INPP4A: variants seen among roughly 807,000 people sequenced by gnomAD.
INPP4A encodes the protein inositol polyphosphate-4-phosphatase, type I, 107kD.
Under a neutral mutation model 119.8 loss-of-function variants are expected in INPP4A, and 33 were observed. The observed-to-expected ratio is 0.28, with a 90% CI of 0.21 to 0.37. The LOEUF (loss-of-function observed/expected upper bound fraction) is 0.37. Among genes scored for constraint, INPP4A ranks in the 10% least tolerant of loss-of-function variants. The probability of loss-of-function intolerance (pLI) is 1.00; values close to 1 mark genes in which losing one functional copy is unlikely to be tolerated. For synonymous variants in INPP4A, 496 were observed against 500.7 expected (o/e 0.99, Z 0.12); for missense variants, 956 against 1,289.9 (o/e 0.74, Z 3.97).
At chr2:98,503,876 A>G (rs1259775969) in intron 1 of INPP4A, among the ~76,000 whole-genome samples, 2 of 152,126 alleles carry the variant, frequency 1.3e-5, no homozygotes, top group African/African-American at 4.8e-5. Context: ...GTGCCACATG[A>G]GAAGAAGGCA....
chr2:98,539,818 C>T (rs1691053338), intron 10 of INPP4A, 143 bp downstream of exon 10: 6 of 776,406 alleles, frequency 7.7e-6, no homozygotes, highest in Non-Finnish European at 1.1e-5. Flanking sequence ...GTGGCCTTGG[C>T]TTGCCTAAGC....
rs187996311 is a variant in INPP4A at position 98,567,733 on chromosome 2, G to T, written c.2421-838G>T. Among the ~76,000 whole-genome samples the T allele has an allele frequency of 6.6e-5, 10 of 152,286 alleles. No individual in the cohort carries two copies. In the East Asian group the frequency reaches 1.9e-3, roughly 29 times the overall value. The stretch of plus-strand genomic sequence containing the variant: ...ACTGGTGAGCTGGGCTTGTTTATAA[G>T]CTGAGGGAAGAGCCCTCAGAGGGGA... On this transcript the variant is annotated intron_variant, in intron 21 of 24. Coordinates refer to ENST00000409851, the MANE Select transcript of INPP4A (RefSeq NM_001134225.2).
At chr2:98,460,816 T>C (rs558924924) in intron 1 of INPP4A, among the ~76,000 whole-genome samples, 16 of 152,312 alleles carry the variant, frequency 1.1e-4, no homozygotes, top group East Asian at 3.9e-4. Flanking sequence ...GAAGCTGTTA[T>C]CTGTGAAATG....
intron 24 of INPP4A, among the ~76,000 whole-genome samples, chr2:98,586,599 G>A (rs527323517): frequency 1.3e-5 from 2 of 152,278 alleles, no homozygotes; most frequent in Non-Finnish European, 2.9e-5. Context: ...AGAACTCCCC[G>A]GACGCGCTCA....
chr2:98,533,823 G>A (rs1422714095), intron 5 of INPP4A, among the ~76,000 whole-genome samples: 1 of 152,150 alleles, frequency 6.6e-6, no homozygotes, highest in African/African-American at 2.4e-5. Flanking sequence ...CAAGAGTGGT[G>A]CTCATTAATC....
At chr2:98,524,534 G>C (rs1310679345) in intron 4 of INPP4A, among the ~76,000 whole-genome samples, 2 of 152,114 alleles carry the variant, frequency 1.3e-5, no homozygotes, top group African/African-American at 4.8e-5. Flanking sequence ...AACCCTTAAA[G>C]TAATCTCAGT....
chr2:98,580,471 A>C (rs1187077149), intron 24 of INPP4A, among the ~76,000 whole-genome samples: 1 of 152,198 alleles, frequency 6.6e-6, no homozygotes, highest in Non-Finnish European at 1.5e-5. Context: ...AGAGATTCAC[A>C]CATTTGGCCA....
chr2:98,466,840 A>ATAAC (rs1280489540), intron 1 of INPP4A, among the ~76,000 whole-genome samples: 4 of 152,232 alleles, frequency 2.6e-5, no homozygotes, highest in African/African-American at 7.2e-5. Context: ...CAGTCCCTGA[A>ATAAC]TAACTACACC....
intron 1 of INPP4A, among the ~76,000 whole-genome samples, chr2:98,469,986 A>G (rs867522458): frequency 1.3e-5 from 2 of 152,318 alleles, no homozygotes; most frequent in Middle Eastern, 3.4e-3. Flanking sequence ...GCTGTGCACC[A>G]AGGAGGGTTC....
chr2:98,565,729 G>A lies in INPP4A; in HGVS notation c.2242G>A (p.Ala748Thr), dbSNP rs763716402. The change falls in exon 20 of 25, where the codon GCC (alanine) becomes ACC (threonine). Residue 748 changes from alanine (A) to threonine (T), a missense_variant. Physicochemically the swap from Ala to Thr is moderately conservative, Grantham distance 58. This residue lies in a region of INPP4A where 304 missense variants were observed against 492.1 expected (regional missense o/e 0.62). Transcript: ENST00000409851. Reference protein sequence around the residue: ...TFKVTQATSSASADMLPVITG... With the variant: ...TFKVTQATSSTSADMLPVITG... ...CAAAGTCACTCAGGCCACTTCCAGC[G>A]CCTCCGCAGACATGCTGCCCGTCAT... The A allele has an allele frequency of 5.6e-6, 9 of 1,613,148 alleles. No individual in the cohort carries two copies. Among genetic ancestry groups the A allele is most frequent in the African/African-American group, 5.3e-5 (4 of 74,880 alleles).
intron 4 of INPP4A, among the ~76,000 whole-genome samples, chr2:98,529,454 G>A (rs1427201846): frequency 1.3e-5 from 2 of 152,042 alleles, no homozygotes; most frequent in African/African-American, 4.8e-5. Flanking sequence ...CCACAGAATT[G>A]GGCTGGGCGC....
At chr2:98,486,940 G>T (rs1251479861) in intron 1 of INPP4A, among the ~76,000 whole-genome samples, 1 of 152,240 alleles carries the variant, frequency 6.6e-6, no homozygotes, top group Non-Finnish European at 1.5e-5. Context: ...GCTAAGTACT[G>T]TGGAGATATA....
Position 98,593,848 on chromosome 2 carries a change from C to T in INPP4A, c.*6240C>T, listed in dbSNP as rs1700500503. On this transcript the variant is annotated 3_prime_UTR_variant, in exon 25 of 25. Coordinates refer to ENST00000409851, the MANE Select transcript of INPP4A (RefSeq NM_001134225.2). ...TGGACCTCTCCTGAGCATCCTCACCCCTCCTGCAAGGCTAGTCTCAGGTCT... is the reference window on the plus strand; with the variant it reads ...TGGACCTCTCCTGAGCATCCTCACCTCTCCTGCAAGGCTAGTCTCAGGTCT... The T allele has an allele frequency of 6.6e-6, 1 of 152,254 alleles. No individual in the cohort carries two copies. Among genetic ancestry groups the T allele is most frequent in the South Asian group, 2.1e-4 (1 of 4,834 alleles). The allele number at this position is 152,254 out of a possible 1,614,324, so 9.4% of individuals were successfully genotyped here.
Position 98,554,249 on chromosome 2 carries a change from C to T in INPP4A, c.1348-22C>T. 1.3e-6 allele frequency: 2 copies of T among 1,575,780 alleles called. No homozygotes were observed. The highest frequency in any genetic ancestry group is 1.3e-5 in the African/African-American group (1 of 74,128). On this transcript the variant is annotated intron_variant, in intron 14 of 24. Coordinates refer to ENST00000409851, the MANE Select transcript of INPP4A (RefSeq NM_001134225.2). The surrounding 1 kb of genome is among the most constrained non-coding windows in gnomAD (Gnocchi z 4.7). ...CAGCCCCTGGCCTGGGCTCAGCAGC[C>T]TTGGTTTGTGTGCACCTGCAGACAC...
intron 6 of INPP4A, 22 bp downstream of exon 6, chr2:98,535,867 C>G (rs765199385): frequency 4.9e-6 from 6 of 1,220,472 alleles, no homozygotes; most frequent in Non-Finnish European, 7.1e-6. Flanking sequence ...TGTTGTAGTT[C>G]GTGGGATTTT....
chr2:98,574,914 A>G (rs1422069639), intron 23 of INPP4A, among the ~76,000 whole-genome samples: 1 of 151,914 alleles, frequency 6.6e-6, no homozygotes, highest in African/African-American at 2.4e-5. Context: ...TGTTCCCAGT[A>G]GAGATCTCAG....
chr2:98,467,793 T>C (rs1181091667), intron 1 of INPP4A, among the ~76,000 whole-genome samples: 1 of 152,242 alleles, frequency 6.6e-6, no homozygotes, highest in African/African-American at 2.4e-5. Flanking sequence ...AGTTGAATAG[T>C]TATCTATTAG....
chr2:98,499,885 A>G (rs1682773981), intron 1 of INPP4A, among the ~76,000 whole-genome samples: 1 of 152,174 alleles, frequency 6.6e-6, no homozygotes, highest in Non-Finnish European at 1.5e-5. Context: ...GGAGGGTGCA[A>G]GTGTCAGGCT....
intron 23 of INPP4A, among the ~76,000 whole-genome samples, chr2:98,574,573 G>A (rs1448983505): frequency 6.6e-6 from 1 of 151,802 alleles, no homozygotes; most frequent in Non-Finnish European, 1.5e-5. Flanking sequence ...GGGAGGCGGA[G>A]GTTGCAGTAA....
Sources: allele counts gnomAD v4.1 joint callset (sites outside exome capture counted in the v4.1 genomes callset), GRCh38; gene constraint gnomAD v4.1.1; regional missense constraint gnomAD v4.1.1; non-coding constraint Gnocchi (gnomAD v3.1); transcripts MANE v1.5; gene names NCBI Gene and HGNC (gene_info 2026-07-23, HGNC 2026-07-21).